Variants in CAMK1D observed in about 807,000 individuals in gnomAD.
CAMK1D encodes the protein calcium/calmodulin dependent protein kinase ID.
CAMK1D carries 9 observed loss-of-function variants against 47.7 expected under a neutral mutation model. The observed-to-expected ratio is 0.19, with a 90% CI of 0.11 to 0.33. The LOEUF is 0.33. Among genes scored for constraint, CAMK1D ranks in the 10% least tolerant of loss-of-function variants. The probability of loss-of-function intolerance (pLI) is 1.00; values close to 1 mark genes in which losing one functional copy is unlikely to be tolerated. For missense variants in CAMK1D, 291 were observed against 488.7 expected (o/e 0.60, Z 3.81); for synonymous variants, 184 against 184.9 (o/e 0.99, Z 0.04).
intron 3 of CAMK1D, among the ~76,000 whole-genome samples, chr10:12,684,913 G>A (rs1564490666): frequency 6.6e-6 from 1 of 152,158 alleles, no homozygotes; most frequent in Non-Finnish European, 1.5e-5. Flanking sequence ...AACTAGAATT[G>A]GAGGAGAACA....
At chr10:12,610,698 C>T (rs1838593635) in intron 2 of CAMK1D, among the ~76,000 whole-genome samples, 1 of 152,174 alleles carries the variant, frequency 6.6e-6, no homozygotes, top group Admixed American at 6.5e-5. Flanking sequence ...TCTGGGCCAC[C>T]CAGATGTGTG....
At chr10:12,623,619 A>G (rs562617604) in intron 2 of CAMK1D, among the ~76,000 whole-genome samples, 22 of 151,648 alleles carry the variant, frequency 1.5e-4, no homozygotes, top group Admixed American at 5.9e-4. Flanking sequence ...AAACTTAGGG[A>G]AACCGCATCA....
chr10:12,494,800 C>G (rs1358513617), intron 1 of CAMK1D, among the ~76,000 whole-genome samples: 1 of 152,154 alleles, frequency 6.6e-6, no homozygotes, highest in Non-Finnish European at 1.5e-5. Flanking sequence ...AACTCCTGAC[C>G]TCAGGTGATC....
intron 3 of CAMK1D, among the ~76,000 whole-genome samples, chr10:12,748,867 G>A (rs1290203101): frequency 1.3e-5 from 2 of 152,160 alleles, no homozygotes; most frequent in Non-Finnish European, 2.9e-5. Flanking sequence ...ACTCACTGCA[G>A]TGATCGTAGC....
At chr10:12,799,863 T>C (rs1838353371) in intron 6 of CAMK1D, among the ~76,000 whole-genome samples, 1 of 152,046 alleles carries the variant, frequency 6.6e-6, no homozygotes, top group Admixed American at 6.6e-5. Flanking sequence ...TGTGTTTTGT[T>C]CTCCCTCCCC....
At chr10:12,765,937 G>A (rs1381953744) in intron 4 of CAMK1D, among the ~76,000 whole-genome samples, 10 of 149,240 alleles carry the variant, frequency 6.7e-5, no homozygotes, top group Admixed American at 6.1e-4. Context: ...GGCATGAAAA[G>A]CTGGCTGCCC....
chr10:12,602,742 C>G (rs1461732661), intron 2 of CAMK1D, among the ~76,000 whole-genome samples: 1 of 151,980 alleles, frequency 6.6e-6, no homozygotes, highest in Non-Finnish European at 1.5e-5. Context: ...CGTAATGGCA[C>G]TGGGCCTGCA....
At chr10:12,585,994 A>G (rs1038200121) in intron 2 of CAMK1D, among the ~76,000 whole-genome samples, 7 of 152,176 alleles carry the variant, frequency 4.6e-5, no homozygotes, top group Admixed American at 2.6e-4. Flanking sequence ...CAGCATCATC[A>G]GCTTCTTTCA....
chr10:12,784,760 A>G (rs1048002749), intron 5 of CAMK1D, among the ~76,000 whole-genome samples: 3 of 152,212 alleles, frequency 2.0e-5, no homozygotes, highest in Non-Finnish European at 4.4e-5. Context: ...AAAATATTTC[A>G]GGCAGCAAAG....
intron 2 of CAMK1D, among the ~76,000 whole-genome samples, chr10:12,581,206 A>G (rs2132338307): frequency 6.6e-6 from 1 of 152,300 alleles, no homozygotes. Context: ...GGTTGCTGCA[A>G]ATGCCATTAT....
intron 3 of CAMK1D, among the ~76,000 whole-genome samples, chr10:12,745,638 T>G (rs1235386633): frequency 6.6e-6 from 1 of 151,712 alleles, no homozygotes; most frequent in South Asian, 2.1e-4. Context: ...GTTTCGCTCT[T>G]GTTGCCCAGG....
intron 1 of CAMK1D, among the ~76,000 whole-genome samples, chr10:12,468,580 C>T (rs1285954431): frequency 6.6e-6 from 1 of 152,092 alleles, no homozygotes. Flanking sequence ...ATGGCATGGA[C>T]AGTAGTAAAA....
At chr10:12,679,106 C>T (rs1002129352) in intron 3 of CAMK1D, among the ~76,000 whole-genome samples, 2 of 152,150 alleles carry the variant, frequency 1.3e-5, no homozygotes, top group Admixed American at 6.5e-5. Flanking sequence ...TTCTAAATAC[C>T]ATCTTACGCA....
chr10:12,550,050 C>T (rs1034204576), intron 1 of CAMK1D, among the ~76,000 whole-genome samples: 1 of 152,164 alleles, frequency 6.6e-6, no homozygotes, highest in Non-Finnish European at 1.5e-5. Flanking sequence ...GGAAGGAGCA[C>T]CTGTGGATGG....
chr10:12,397,141 T>C (rs1838992147), intron 1 of CAMK1D, among the ~76,000 whole-genome samples: 1 of 152,192 alleles, frequency 6.6e-6, no homozygotes, highest in African/African-American at 2.4e-5. Context: ...AAAATAAGGA[T>C]TTTTCTATGA....
chr10:12,494,621 G>A (rs200493744), intron 1 of CAMK1D, among the ~76,000 whole-genome samples: 1 of 12,326 alleles, frequency 8.1e-5, no homozygotes, highest in Non-Finnish European at 1.7e-4. Context: ...CTGGAGTGCA[G>A]TGGTGTGATC....
At chr10:12,824,581 T>A (rs1223838803) in intron 9 of CAMK1D, 29 bp downstream of exon 9, 3 of 1,552,690 alleles carry the variant, frequency 1.9e-6, no homozygotes, top group African/African-American at 1.4e-5. Flanking sequence ...AAATTCCCCG[T>A]GGATTAACCC....
chr10:12,828,970 A>G lies in CAMK1D; in HGVS notation c.*83A>G. 2 of 1,001,708 alleles carry G rather than the reference A, an allele frequency of 2.0e-6. No homozygotes were observed. The highest frequency in any genetic ancestry group is 2.9e-6 in the Non-Finnish European group (2 of 691,314). The allele number at this position is 1,001,708 out of a possible 1,614,324, so 62.1% of individuals were successfully genotyped here. On this transcript the variant is annotated 3_prime_UTR_variant, in exon 11 of 11. Transcript: ENST00000619168. ...CAGAGCCGCGAGCCACTCCAGCGAGACCCCACCTTGCATGGTGCCCCTTCC... is the reference window on the plus strand; with the variant it reads ...CAGAGCCGCGAGCCACTCCAGCGAGGCCCCACCTTGCATGGTGCCCCTTCC...
chr10:12,641,237 G>A (rs1445496434), intron 2 of CAMK1D, among the ~76,000 whole-genome samples: 3 of 152,172 alleles, frequency 2.0e-5, no homozygotes, highest in African/African-American at 7.2e-5. Context: ...CCACAGTGCT[G>A]GGATTACAAG....
Sources: allele counts gnomAD v4.1 joint callset (sites outside exome capture counted in the v4.1 genomes callset), GRCh38; gene constraint gnomAD v4.1.1; transcripts MANE v1.5; gene names NCBI Gene and HGNC (gene_info 2026-07-23, HGNC 2026-07-21).